RAD51AP2: variants seen among roughly 807,000 people sequenced by gnomAD.
RAD51AP2 encodes the protein RAD51 associated protein 2.
A neutral mutation model predicts 85.5 loss-of-function variants in RAD51AP2; 67 were observed. That is an observed-to-expected ratio of 0.78 (90% confidence interval 0.64 to 0.96). RAD51AP2 has a LOEUF of 0.96. Ranked by LOEUF, RAD51AP2 falls within the 40% of genes least tolerant of loss-of-function variation. The pLI, the probability that RAD51AP2 is intolerant of heterozygous loss-of-function variation, is 0.00. For missense variants in RAD51AP2, 1,307 were observed against 1,332.4 expected, an observed-to-expected ratio of 0.98 and a Z score of 0.30; for synonymous variants, 474 against 446.5, an observed-to-expected ratio of 1.06 and a Z score of -0.78.
rs200390849 is a variant in RAD51AP2, at chr2:17,516,459, A to G, written c.1957T>C (p.Phe653Leu). ...MKPMLKKRKL[F>L]RTEQVFEKSK... ...TTTTCAAAAACTTGTTCAGTTCTAA[A>G]TAACTTCCTTTTCTTTAACATAGGT... is the stretch of plus-strand genomic sequence containing the variant. The change falls in exon 1 of 3, where the codon TTT becomes CTT. Residue 653 changes from phenylalanine to leucine, a missense_variant. Phe to Leu is a conservative substitution (Grantham distance 22, BLOSUM62 0). Around this residue, in one of 3 missense-constraint regions of RAD51AP2, gnomAD observed 668 missense variants for 671.0 expected, o/e 1.00. Coordinates refer to ENST00000399080, the MANE Select transcript of RAD51AP2 (RefSeq NM_001099218.3). The G allele has an allele frequency of 1.3e-5, 21 of 1,564,056 alleles. No individual in the cohort carries two copies. Among genetic ancestry groups the G allele is most frequent in the Non-Finnish European group, 1.7e-6 (2 of 1,150,640 alleles).
intron 1 of RAD51AP2, 75 bp from the exon 2 acceptor site, chr2:17,514,167 T>A: frequency 1.2e-6 from 1 of 855,490 alleles, no homozygotes; most frequent in Non-Finnish European, 1.9e-6. Flanking sequence ...ACAAATTATA[T>A]TTTCAGAAAT....
chr2:17,525,444 T>C, the RAD51AP2 span, among the ~76,000 whole-genome samples: 5 of 152,008 alleles, frequency 3.3e-5, no homozygotes, highest in Non-Finnish European at 7.4e-5. Context: ...GGGAGAGGCA[T>C]TAGTGCGTAC....
chr2:17,529,193 A>G, the RAD51AP2 span, among the ~76,000 whole-genome samples: 1 of 151,786 alleles, frequency 6.6e-6, no homozygotes, highest in East Asian at 1.9e-4. Flanking sequence ...TTGTTGGGAC[A>G]TGTCAACTTT....
Position 17,517,459 on chromosome 2 carries a change from C to A in RAD51AP2, c.957G>T (p.Ala319=). ...CATAACATTTGGAAAAAATGTTTTC[C>A]GCTTCTACAGTTTTTTTATCATTCT... ...KLQNDKKTVE[A]ENIFSKCYEN... The change falls in exon 1 of 3, where the codon GCG becomes GCT. Residue 319 remains alanine, a synonymous_variant. Transcript: ENST00000399080. 6.2e-7 allele frequency: 1 copy of A among 1,613,748 alleles called. No individual in the cohort carries two copies. Among genetic ancestry groups the A allele is most frequent in the African/African-American group, 1.3e-5 (1 of 75,010 alleles).
At position 17,514,014 on chromosome 2, in the gene RAD51AP2, C is replaced by T. The variant is rs749261289; in HGVS notation, c.3326G>A (p.Gly1109Glu). ...CKEEFNYLLRGGSHFPHGISR... is the reference protein window; with the variant it reads ...CKEEFNYLLREGSHFPHGISR... ...CTAAAAAGTAACCACAATGTTACCT[C>T]CTCTCAATAAATAATTAAATTCTTC... The change falls in exon 2 of 3, where the codon GGA (glycine) becomes GAA (glutamate). Residue 1109 changes from glycine to glutamate, a missense_variant and splice_region_variant. By Grantham distance (98) the Gly-to-Glu change is moderately conservative. Around this residue, in one of 3 missense-constraint regions of RAD51AP2, gnomAD observed 668 missense variants for 671.0 expected, o/e 1.00. Coordinates refer to ENST00000399080, the MANE Select transcript of RAD51AP2 (RefSeq NM_001099218.3). 99 of 1,505,328 alleles carry T rather than the reference C, an allele frequency of 6.6e-5. No individual in the cohort carries two copies. Among genetic ancestry groups the T allele is most frequent in the Non-Finnish European group, 8.7e-5 (94 of 1,083,912 alleles). The allele number at this position is 1,505,328 out of a possible 1,614,324, so 93.2% of individuals were successfully genotyped here. A position where few individuals can be genotyped will look rare whatever the true frequency, so the allele number is the denominator to read the frequency against.
At chr2:17,519,364 TTTA>T (rs1027373630), upstream of RAD51AP2, among the ~76,000 whole-genome samples, 2 of 148,794 alleles carry the variant, frequency 1.3e-5, no homozygotes, top group African/African-American at 5.2e-5. Flanking sequence ...TTTCAAAATG[TTTA>T]TTATTATTAT....
intron 1 of RAD51AP2, among the ~76,000 whole-genome samples, chr2:17,514,485 G>A (rs115224317): frequency 0.024 from 3,644 of 152,152 alleles, 45 homozygotes; most frequent in Middle Eastern, 0.054. Context: ...CATAAGGCCT[G>A]GCGTGGTGGC....
In RAD51AP2 at chr2:17,516,783, T is replaced by A; in HGVS notation, c.1633A>T (p.Ile545Phe). 1 of 1,554,668 alleles carries A rather than the reference T, an allele frequency of 6.4e-7. No individual in the cohort carries two copies. Among genetic ancestry groups the A allele is most frequent in the South Asian group, 1.2e-5 (1 of 82,790 alleles). The change falls in exon 1 of 3, where the codon ATT (isoleucine) becomes TTT (phenylalanine). Residue 545 changes from isoleucine to phenylalanine, a missense_variant. Transcript: ENST00000399080. ...CTGGTTATTAGATTTTGAATACCAA[T>A]TATACCAATTTGCTTTTTACACTTC... ...ILKCKKQIGIIGIQNLITRNM... is the reference protein window; with the variant it reads ...ILKCKKQIGIFGIQNLITRNM...
Position 17,514,020 on chromosome 2 carries a change from A to G in RAD51AP2, c.3320T>C (p.Leu1107Ser). ...DECKEEFNYL[L>S]RGGSHFPHGI... ...AGTAACCACAATGTTACCTCCTCTC[A>G]ATAAATAATTAAATTCTTCTTTACA... Residue 1107 changes from leucine to serine, a missense_variant, in exon 2 of 3, where the codon TTG becomes TCG. Leu to Ser is a moderately radical substitution (Grantham distance 145). Transcript: ENST00000399080. 1 of 1,534,390 alleles carries G rather than the reference A, an allele frequency of 6.5e-7. No individual in the cohort carries two copies. The highest frequency in any genetic ancestry group is 9.0e-7 in the Non-Finnish European group (1 of 1,109,864).
At position 17,517,432 on chromosome 2, in the gene RAD51AP2, T is replaced by G. The variant is rs755733542; in HGVS notation, c.984A>C (p.Glu328Asp). 3 of 1,613,778 alleles carry G rather than the reference T, an allele frequency of 1.9e-6. No individual in the cohort carries two copies. Among genetic ancestry groups the G allele is most frequent in the Non-Finnish European group, 2.5e-6 (3 of 1,179,968 alleles). ...GGCTACTGAGTGATGGGTAGTCATT[T>G]TCATAACATTTGGAAAAAATGTTTT... The part of the protein sequence containing the change: ...EAENIFSKCY[E>D]NDYPSLSSQN... Residue 328 changes from glutamate to aspartate, a missense_variant, in exon 1 of 3, where the codon GAA (glutamate) becomes GAC (aspartate). Glu to Asp is a conservative substitution (Grantham distance 45). Transcript: ENST00000399080.
chr2:17,514,536 C>CGG (rs35741699), intron 1 of RAD51AP2, among the ~76,000 whole-genome samples: 5,706 of 149,362 alleles, frequency 0.038, 138 homozygotes, highest in Non-Finnish European at 0.051. Context: ...CCGAGGGCGG[C>CGG]GGGGGGGGTG....
At position 17,516,990 on chromosome 2, in the gene RAD51AP2, TC is replaced by T; in HGVS notation, c.1425del (p.Thr476LeufsTer4). The T allele has an allele frequency of 6.3e-7, 1 of 1,598,536 alleles. No homozygotes were observed. The highest frequency in any genetic ancestry group is 8.5e-7 in the Non-Finnish European group (1 of 1,175,714). ...TCTCCTTTACCATTTAGCCAAACAG[TC>T]GTTATTAAAGCTGTCTGACTACCTA... ...EILGSQTALI[T>X]TVWLNGKGEN... On this transcript the variant is annotated frameshift_variant, in exon 1 of 3. Transcript: ENST00000399080. LOFTEE classifies it high-confidence loss of function.
the RAD51AP2 span, among the ~76,000 whole-genome samples, chr2:17,532,248 C>T: frequency 6.6e-6 from 1 of 152,098 alleles, no homozygotes; most frequent in East Asian, 1.9e-4. Context: ...GTTCTGGGGG[C>T]TGGAAATCTA....
In RAD51AP2 at chr2:17,516,388, A is replaced by AT; in HGVS notation, c.2027dup (p.Asn676LysfsTer8). The AT allele has an allele frequency of 6.2e-7, 1 of 1,611,992 alleles. No individual in the cohort carries two copies. Among genetic ancestry groups the AT allele is most frequent in the Non-Finnish European group, 8.5e-7 (1 of 1,179,136 alleles). On this transcript the variant is annotated frameshift_variant, in exon 1 of 3. Transcript: ENST00000399080. LOFTEE classifies it high-confidence loss of function. Reference sequence around the variant, plus strand: ...ATGTTTCAAAAATCGGAAAACCTGTATTTTGAGTTGTCATACTGAAGGAAT... The same window carrying AT: ...ATGTTTCAAAAATCGGAAAACCTGTATTTTTGAGTTGTCATACTGAAGGAAT...
chr2:17,517,791 T>C lies in RAD51AP2; in HGVS notation c.625A>G (p.Lys209Glu), dbSNP rs1451881341. The part of the protein sequence containing the change: ...KETKSPFHEI[K>E]NRCKANSVVP... ...ACACTGTTAGCTTTACATCTGTTCT[T>C]AATTTCATGAAATGGTGATTTAGTT... The change falls in exon 1 of 3, where the codon AAG (lysine) becomes GAG (glutamate). Residue 209 changes from lysine to glutamate, a missense_variant. By Grantham distance (56) the Lys-to-Glu change is moderately conservative (BLOSUM62 1). Around this residue, in one of 3 missense-constraint regions of RAD51AP2, gnomAD observed 635 missense variants for 643.6 expected, o/e 0.99. Coordinates refer to ENST00000399080, the MANE Select transcript of RAD51AP2 (RefSeq NM_001099218.3). The C allele has an allele frequency of 6.2e-7, 1 of 1,614,076 alleles. No homozygotes were observed. Among genetic ancestry groups the C allele is most frequent in the African/African-American group, 1.3e-5 (1 of 75,072 alleles).
the RAD51AP2 span, among the ~76,000 whole-genome samples, chr2:17,531,291 C>T: frequency 1.3e-5 from 2 of 152,088 alleles, no homozygotes. Context: ...TATTCACATA[C>T]TGGGGAGTCG....
In RAD51AP2 at chr2:17,517,558, T is replaced by G. The variant is rs763455796; in HGVS notation, c.858A>C (p.Lys286Asn). The change falls in exon 1 of 3, where the codon AAA (lysine) becomes AAC (asparagine). Residue 286 changes from lysine (K) to asparagine (N), a missense_variant. This residue lies in a region of RAD51AP2 where 635 missense variants were observed against 643.6 expected (regional missense o/e 0.99). Transcript: ENST00000399080. ...KEIAKKKNDK[K>N]EAYVRDFTNI... is the part of the protein sequence containing the mutation. Reference sequence around the variant, plus strand: ...TTGTGAAATCCCTAACATATGCCTCTTTTTTGTCATTCTTTTTCTTCGCTA... The same window carrying G: ...TTGTGAAATCCCTAACATATGCCTCGTTTTTGTCATTCTTTTTCTTCGCTA... The G allele has an allele frequency of 1.2e-5, 20 of 1,613,546 alleles. No individual in the cohort carries two copies. Among genetic ancestry groups the G allele is most frequent in the Non-Finnish European group, 1.6e-5 (19 of 1,179,912 alleles).
the RAD51AP2 span, among the ~76,000 whole-genome samples, chr2:17,536,252 C>T: frequency 1.1e-4 from 16 of 152,246 alleles, no homozygotes; most frequent in East Asian, 9.7e-4. Context: ...TTCCAACTAC[C>T]GAGGTCCCCC....
In RAD51AP2 at chr2:17,518,102, G is replaced by C; in HGVS notation, c.314C>G (p.Ser105Ter). 1.2e-6 allele frequency: 2 copies of C among 1,614,170 alleles called. No individual in the cohort carries two copies. The highest frequency in any genetic ancestry group is 1.7e-6 in the Non-Finnish European group (2 of 1,180,038). ...GCTACTCATTTGGAATTTGAGATTT[G>C]AGCATTTCAGATTACATATCTGCTT... ...SGKQICNLKCSNLKFQMSSCL... is the reference protein window; with the variant it reads ...SGKQICNLKC The change falls in exon 1 of 3, where the codon TCA (serine) becomes TGA (stop). Residue 105 changes from serine (S) to a stop codon, truncating the protein, a stop_gained. Coordinates refer to ENST00000399080, the MANE Select transcript of RAD51AP2 (RefSeq NM_001099218.3). LOFTEE classifies it high-confidence loss of function.
Sources: gnomAD v4.1 joint callset for allele counts (sites outside exome capture counted in the v4.1 genomes callset) on GRCh38, gnomAD v4.1.1 for gene constraint, gnomAD v4.1.1 regional missense constraint, MANE v1.5 for transcripts, NCBI Gene and HGNC (gene_info 2026-07-23, HGNC 2026-07-21) for gene names.